TAOK1: variants seen among roughly 807,000 people sequenced by gnomAD.
TAOK1 encodes the protein TAO kinase 1.
Under a neutral mutation model 138.3 loss-of-function variants are expected in TAOK1, and 21 were observed. The observed-to-expected ratio is 0.15, with a 90% CI of 0.11 to 0.22. TAOK1 has a LOEUF of 0.22. Ranked by LOEUF, TAOK1 falls within the 10% of genes least tolerant of loss-of-function variation. The pLI is 1.00. For missense variants in TAOK1, 651 were observed against 1,227.7 expected (o/e 0.53, Z 7.02); for synonymous variants, 361 against 398.4 (o/e 0.91, Z 1.12).
intron 13 of TAOK1, among the ~76,000 whole-genome samples, chr17:29,505,241 A>T (rs1205925529): frequency 6.6e-6 from 1 of 152,140 alleles, no homozygotes; most frequent in African/African-American, 2.4e-5. Context: ...TTTTTTTCAT[A>T]CAATAAAATG....
intron 3 of TAOK1, among the ~76,000 whole-genome samples, 158 bp downstream of exon 3, chr17:29,467,374 C>T (rs548891999): frequency 2.6e-5 from 4 of 151,960 alleles, no homozygotes; most frequent in South Asian, 2.1e-4. Flanking sequence ...CCCAAGTTCA[C>T]GCCATTCTCC....
intron 3 of TAOK1, 73 bp downstream of exon 3, chr17:29,467,289 T>G (rs1436627228): frequency 1.0e-6 from 1 of 962,790 alleles, no homozygotes; most frequent in Non-Finnish European, 1.5e-6. Context: ...TCTTTTTTTT[T>G]TTGAGACTGA....
intron 1 of TAOK1, among the ~76,000 whole-genome samples, chr17:29,426,979 T>G (rs1053241578): frequency 6.6e-6 from 1 of 152,180 alleles, no homozygotes; most frequent in Non-Finnish European, 1.5e-5. Flanking sequence ...TAATAAAAAT[T>G]AAATAAAATT....
At chr17:29,427,979 C>T (rs891853047) in intron 1 of TAOK1, among the ~76,000 whole-genome samples, 10 of 151,536 alleles carry the variant, frequency 6.6e-5, no homozygotes, top group South Asian at 2.1e-4. Context: ...TTAAGTTGCT[C>T]GCAGACTGAA....
chr17:29,548,470 C>A lies in TAOK1; in HGVS notation c.*5448C>A, dbSNP rs1164692968. 6.6e-6 allele frequency: 1 copy of A among 151,614 alleles called. No homozygotes were observed. Among genetic ancestry groups the A allele is most frequent in the African/African-American group, 2.4e-5 (1 of 41,254 alleles). 9.4% of individuals were successfully genotyped at this position (151,614 alleles called of 1,614,324 possible). A position where few individuals can be genotyped will look rare whatever the true frequency, so the allele number is the denominator to read the frequency against. On this transcript the variant is annotated 3_prime_UTR_variant, in exon 20 of 20. Coordinates refer to ENST00000261716, the MANE Select transcript of TAOK1 (RefSeq NM_020791.4). ...TTTGTTTCTAAATATACAAGGAATT[C>A]TTTAAATAGAGAAAAAGGTTAATCC... is the stretch of plus-strand genomic sequence containing the variant.
At chr17:29,465,864 T>TTTTTTTTTTTTTA (rs397828344) in intron 2 of TAOK1, among the ~76,000 whole-genome samples, 1 of 131,858 alleles carries the variant, frequency 7.6e-6, no homozygotes, top group African/African-American at 2.8e-5. Context: ...TTTTTTTTTT[T>TTTTTTTTTTTTTA]CAGATTTTCC....
At chr17:29,454,091 A>G (rs1337517537) in intron 2 of TAOK1, among the ~76,000 whole-genome samples, 1 of 151,740 alleles carries the variant, frequency 6.6e-6, no homozygotes, top group Admixed American at 6.6e-5. Context: ...TGCTGAGATT[A>G]TAGGTGTGAG....
chr17:29,419,258 A>G (rs1488497259), intron 1 of TAOK1, among the ~76,000 whole-genome samples: 4 of 151,520 alleles, frequency 2.6e-5, no homozygotes, highest in African/African-American at 9.7e-5. Context: ...GTGCAATGGC[A>G]TGCTCTCGGC....
At chr17:29,520,148 T>C (rs1335761319) in intron 16 of TAOK1, among the ~76,000 whole-genome samples, 1 of 143,340 alleles carries the variant, frequency 7.0e-6, no homozygotes, top group African/African-American at 2.6e-5. Flanking sequence ...ACCACCGCAC[T>C]CCAGCCTGGG....
rs536454850 is a variant in TAOK1, at chr17:29,502,792, A to G, written c.1338+69A>G. On this transcript the variant is annotated intron_variant, in intron 13 of 19. Coordinates refer to ENST00000261716, the MANE Select transcript of TAOK1 (RefSeq NM_020791.4). Reference sequence around the variant, plus strand: ...GGACCTTGGCAATATAAACTCAAGTATAGCTATATATTGTTTTGTATTTGG... The same window carrying G: ...GGACCTTGGCAATATAAACTCAAGTGTAGCTATATATTGTTTTGTATTTGG... The G allele has an allele frequency of 2.3e-5, 35 of 1,499,572 alleles. No homozygotes were observed. The East Asian group carries it at 6.5e-4, about 28-fold the overall frequency. 92.9% of individuals were successfully genotyped at this position (1,499,572 alleles called of 1,614,324 possible). A position where few individuals can be genotyped will look rare whatever the true frequency, so the allele number is the denominator to read the frequency against.
Position 29,549,258 on chromosome 17 carries a change from A to T in TAOK1, c.*6236A>T, listed in dbSNP as rs2032450859. 6.6e-6 allele frequency: 1 copy of T among 152,210 alleles called. No individual in the cohort carries two copies. Among genetic ancestry groups the T allele is most frequent in the African/African-American group, 2.4e-5 (1 of 41,460 alleles). 9.4% of individuals were successfully genotyped at this position (152,210 alleles called of 1,614,324 possible). The stretch of plus-strand genomic sequence containing the variant: ...CCTTTCTCTGATATGCCTTGTAGCC[A>T]AAGTATTAAAGGCTGATGAACATAG... On this transcript the variant is annotated 3_prime_UTR_variant, in exon 20 of 20. Coordinates refer to ENST00000261716, the MANE Select transcript of TAOK1 (RefSeq NM_020791.4).
intron 19 of TAOK1, among the ~76,000 whole-genome samples, chr17:29,537,582 C>T (rs1177040675): frequency 6.6e-6 from 1 of 150,970 alleles, no homozygotes; most frequent in Non-Finnish European, 1.5e-5. Context: ...GTCTCAAACT[C>T]CTAGGCTCAA....
intron 13 of TAOK1, among the ~76,000 whole-genome samples, chr17:29,503,534 A>G (rs897273595): frequency 6.6e-6 from 1 of 152,178 alleles, no homozygotes; most frequent in African/African-American, 2.4e-5. Flanking sequence ...TCCAAATAAT[A>G]TGGATTATCT....
At position 29,534,222 on chromosome 17, in the gene TAOK1, A is replaced by G; in HGVS notation, c.2466A>G (p.Gln822=). The G allele has an allele frequency of 5.0e-6, 8 of 1,613,722 alleles. No individual in the cohort carries two copies. The highest frequency in any genetic ancestry group is 6.8e-6 in the Non-Finnish European group (8 of 1,179,854). Residue 822 remains glutamine (Q), a synonymous_variant, in exon 19 of 20, where the codon CAA becomes CAG. Transcript: ENST00000261716. Reference sequence around the variant, plus strand: ...CGTATCAGAGCAAAATCAAGATGCAAGCTGAGGCACAACATGATCGAGAGC... The same window carrying G: ...CGTATCAGAGCAAAATCAAGATGCAGGCTGAGGCACAACATGATCGAGAGC... ...LNAYQSKIKM[Q]AEAQHDRELR...
At chr17:29,406,576 GAA>G (rs1904999001) in intron 1 of TAOK1, among the ~76,000 whole-genome samples, 1 of 151,848 alleles carries the variant, frequency 6.6e-6, no homozygotes, top group Admixed American at 6.6e-5. Context: ...TGCCCAGACT[GAA>G]GTGCAATGGC....
Position 29,541,260 on chromosome 17 carries a change from C to G in TAOK1, c.2545-1301C>G, listed in dbSNP as rs532656652. On this transcript the variant is annotated intron_variant, in intron 19 of 19. Transcript: ENST00000261716. ...AAGAAGCAGGGATTACAGACGTGTG[C>G]CACCGCGCCTGGCTAATTTTTGTAT... is the stretch of plus-strand genomic sequence containing the variant. Among the ~76,000 whole-genome samples the G allele has an allele frequency of 7.3e-5, 11 of 151,284 alleles. No homozygotes were observed. The South Asian group carries it at 2.3e-3, about 32-fold the overall frequency.
chr17:29,451,696 T>G lies in TAOK1; in HGVS notation c.132+16T>G. On this transcript the variant is annotated intron_variant, in intron 2 of 19. Coordinates refer to ENST00000261716, the MANE Select transcript of TAOK1 (RefSeq NM_020791.4). ...AGTGTATTTTGTAAGTGTTAGTGGC[T>G]TGATGTCAGTGACTAAAATTTACTT... 6.2e-7 allele frequency: 1 copy of G among 1,604,768 alleles called. No homozygotes were observed. The highest frequency in any genetic ancestry group is 1.1e-5 in the South Asian group (1 of 89,758).
chr17:29,540,206 T>C (rs2032293107), intron 19 of TAOK1, among the ~76,000 whole-genome samples: 1 of 152,230 alleles, frequency 6.6e-6, no homozygotes, highest in African/African-American at 2.4e-5. Flanking sequence ...GCATTTTTTA[T>C]GAAGGTTGAA....
intron 2 of TAOK1, among the ~76,000 whole-genome samples, chr17:29,462,843 C>T (rs908963241): frequency 2.6e-5 from 4 of 152,064 alleles, no homozygotes; most frequent in African/African-American, 9.7e-5. Context: ...TTTCTGTTCC[C>T]GTTTTTCTCT....
Sources: allele counts gnomAD v4.1 joint callset (sites outside exome capture counted in the v4.1 genomes callset), GRCh38; gene constraint gnomAD v4.1.1; transcripts MANE v1.5; gene names NCBI Gene and HGNC (gene_info 2026-07-23, HGNC 2026-07-21).